Variants in MCHR2 observed in about 807,000 individuals in gnomAD.
MCHR2 encodes the protein melanin-concentrating hormone receptor 2.
MCHR2 carries 15 observed loss-of-function variants against 24.8 expected under a neutral mutation model. The observed-to-expected ratio is 0.60, with a 90% CI of 0.40 to 0.93. MCHR2 has a LOEUF of 0.93. MCHR2 is among the 40% of genes least tolerant of loss of function. MCHR2 has a pLI of 0.00. For missense variants in MCHR2, 386 were observed against 408.7 expected, an observed-to-expected ratio of 0.94 and a Z score of 0.48; for synonymous variants, 151 against 147.6, an observed-to-expected ratio of 1.02 and a Z score of -0.17.
At chr6:99,949,981 A>G (rs9495929) in intron 2 of MCHR2, among the ~76,000 whole-genome samples, 1,697 of 152,048 alleles carry the variant, frequency 0.011, 32 homozygotes, top group African/African-American at 0.038. Flanking sequence ...GTGAATTGGG[A>G]TATAAACCAT....
chr6:99,957,459 A>T (rs1253654165), intron 1 of MCHR2, among the ~76,000 whole-genome samples: 1 of 152,108 alleles, frequency 6.6e-6, no homozygotes, highest in East Asian at 1.9e-4. Flanking sequence ...TTGATAATTG[A>T]ATCTCCCCTG....
chr6:99,984,248 TTTTA>T (rs35444344), intron 1 of MCHR2, among the ~76,000 whole-genome samples: 91,083 of 136,784 alleles, frequency 0.67, 27,775 homozygotes, highest in South Asian at 0.72. Context: ...ATTTTTTTAT[TTTTA>T]TTTATTTATT....
chr6:99,928,610 T>C (rs546731599), intron 5 of MCHR2, among the ~76,000 whole-genome samples: 5 of 152,268 alleles, frequency 3.3e-5, no homozygotes, highest in South Asian at 4.1e-4. Context: ...TCTAGATTTT[T>C]TAGTTTATTT....
intron 3 of MCHR2, among the ~76,000 whole-genome samples, chr6:99,947,502 T>C (rs1774892218): frequency 6.6e-6 from 1 of 152,190 alleles, no homozygotes; most frequent in Non-Finnish European, 1.5e-5. Flanking sequence ...GTGATTTTTT[T>C]TTCTTGCACT....
intron 2 of MCHR2, among the ~76,000 whole-genome samples, chr6:99,955,481 CT>C (rs1472090487): frequency 3.3e-5 from 5 of 152,282 alleles, no homozygotes; most frequent in African/African-American, 1.2e-4. Context: ...AACATAAAGT[CT>C]CTCTTTTGCC....
intron 1 of MCHR2, among the ~76,000 whole-genome samples, chr6:99,989,823 A>C (rs1582416885): frequency 6.6e-6 from 1 of 152,306 alleles, no homozygotes; most frequent in East Asian, 1.9e-4. Flanking sequence ...TATGCAATGA[A>C]ATGCCTTAAT....
At chr6:99,982,922 G>C (rs1775697913) in intron 1 of MCHR2, among the ~76,000 whole-genome samples, 2 of 151,998 alleles carry the variant, frequency 1.3e-5, no homozygotes, top group African/African-American at 4.8e-5. Context: ...TATGTGGCTG[G>C]TGCCGGCCAT....
chr6:99,929,948 A>T (rs1175576108), intron 5 of MCHR2, among the ~76,000 whole-genome samples: 2 of 150,208 alleles, frequency 1.3e-5, no homozygotes, highest in African/African-American at 2.5e-5. Context: ...GGTCTTTACA[A>T]TTTTGCATGA....
In MCHR2 at chr6:99,920,434, CTT is replaced by C. The variant is rs1369791163; in HGVS notation, c.*504_*505del. On this transcript the variant is annotated 3_prime_UTR_variant, in exon 6 of 6. Coordinates refer to ENST00000281806, the MANE Select transcript of MCHR2 (RefSeq NM_001040179.2). ...ATTGCATGTGTGCAATAAATGGTAACTTATTCTAAAAGGTGGGGCTTAGTTGT... is the reference window on the plus strand; with the variant it reads ...ATTGCATGTGTGCAATAAATGGTAACATTCTAAAAGGTGGGGCTTAGTTGT... The C allele has an allele frequency of 6.5e-6, 1 of 154,920 alleles. No individual in the cohort carries two copies. Among genetic ancestry groups the C allele is most frequent in the Non-Finnish European group, 1.4e-5 (1 of 69,712 alleles). The allele number at this position is 154,920 out of a possible 1,614,324, so 9.6% of individuals were successfully genotyped here. A position where few individuals can be genotyped will look rare whatever the true frequency, so the allele number is the denominator to read the frequency against.
intron 5 of MCHR2, among the ~76,000 whole-genome samples, chr6:99,928,875 G>T (rs1490593258): frequency 6.6e-6 from 1 of 152,098 alleles, no homozygotes; most frequent in African/African-American, 2.4e-5. Context: ...CTTGCCTTCT[G>T]CTAGCTTTTG....
intron 1 of MCHR2, among the ~76,000 whole-genome samples, chr6:99,991,781 C>T (rs1272105823): frequency 8.1e-6 from 1 of 123,776 alleles, no homozygotes; most frequent in Non-Finnish European, 1.6e-5. Flanking sequence ...TGCACTCCAA[C>T]CTGGGTGACA....
intron 1 of MCHR2, among the ~76,000 whole-genome samples, chr6:99,962,518 A>G (rs1209789675): frequency 6.6e-6 from 1 of 152,272 alleles, no homozygotes; most frequent in South Asian, 2.1e-4. Context: ...TTTTCAACAA[A>G]TGATGTCGAA....
chr6:99,986,656 C>T (rs747518153), intron 1 of MCHR2, among the ~76,000 whole-genome samples: 24 of 151,948 alleles, frequency 1.6e-4, no homozygotes, highest in Admixed American at 1.1e-3. Context: ...ATAATAGACA[C>T]GGAGATTCCA....
chr6:99,923,707 A>G (rs77766975), intron 5 of MCHR2, among the ~76,000 whole-genome samples: 2,913 of 152,186 alleles, frequency 0.019, 33 homozygotes, highest in Middle Eastern at 0.048. Flanking sequence ...TTCTGTTGAT[A>G]TGATGTATTA....
At chr6:99,944,088 C>T (rs1774830084) in intron 3 of MCHR2, among the ~76,000 whole-genome samples, 2 of 152,164 alleles carry the variant, frequency 1.3e-5, no homozygotes, top group Admixed American at 1.3e-4. Flanking sequence ...ATAGACAATG[C>T]AAATTCCTTA....
intron 1 of MCHR2, among the ~76,000 whole-genome samples, chr6:99,982,278 C>G (rs1775683373): frequency 6.6e-6 from 1 of 151,850 alleles, no homozygotes; most frequent in South Asian, 2.1e-4. Flanking sequence ...CATCAACCCA[C>G]CTTCCCCAAC....
intron 1 of MCHR2, among the ~76,000 whole-genome samples, chr6:99,956,834 A>G (rs1328892553): frequency 1.3e-5 from 2 of 152,130 alleles, no homozygotes; most frequent in African/African-American, 4.8e-5. Flanking sequence ...GCTTGATCAA[A>G]CTTTTGATAA....
intron 4 of MCHR2, among the ~76,000 whole-genome samples, chr6:99,936,551 G>A (rs1774664696): frequency 6.6e-6 from 1 of 151,930 alleles, no homozygotes; most frequent in South Asian, 2.1e-4. Context: ...ATTCGTCAAT[G>A]TGTCTTTTTA....
intron 1 of MCHR2, among the ~76,000 whole-genome samples, chr6:99,980,714 C>G (rs1183135307): frequency 2.0e-5 from 3 of 152,190 alleles, no homozygotes; most frequent in African/African-American, 4.8e-5. Flanking sequence ...GGGATTTTCA[C>G]TTCTGAATCA....
Sources: allele counts gnomAD v4.1 joint callset (sites outside exome capture counted in the v4.1 genomes callset), GRCh38; gene constraint gnomAD v4.1.1; transcripts MANE v1.5; gene names NCBI Gene and HGNC (gene_info 2026-07-23, HGNC 2026-07-21).